Variants in PPP4R4 observed in about 807,000 individuals in gnomAD.
PPP4R4 encodes the protein protein phosphatase 4 regulatory subunit 4.
PPP4R4 carries 70 observed loss-of-function variants against 121.8 expected under a neutral mutation model. The ratio of observed to expected loss-of-function variants is 0.57; its 90% CI spans 0.47 to 0.70. PPP4R4 has a LOEUF of 0.70. Among genes scored for constraint, PPP4R4 ranks in the 30% least tolerant of loss-of-function variants. PPP4R4 has a pLI of 0.00. For synonymous variants in PPP4R4, 348 were observed against 355.7 expected, an observed-to-expected ratio of 0.98 and a Z score of 0.24; for missense variants, 875 against 1,033.6, an observed-to-expected ratio of 0.85 and a Z score of 2.10.
intron 18 of PPP4R4, 89 bp downstream of exon 18, chr14:94,258,913 A>G (rs1893622033): frequency 8.0e-7 from 1 of 1,244,812 alleles, no homozygotes; most frequent in Non-Finnish European, 1.2e-6. Context: ...TACAAAAGAA[A>G]GAGGTTTAAT....
intron 10 of PPP4R4, 138 bp from the exon 11 acceptor site, chr14:94,242,147 TTTGG>T: frequency 8.2e-7 from 1 of 1,218,744 alleles, no homozygotes. Flanking sequence ...TAGACACATA[TTTGG>T]ATCTTCCAAA....
chr14:94,211,951 T>A (rs1890766041), intron 3 of PPP4R4, among the ~76,000 whole-genome samples: 1 of 152,216 alleles, frequency 6.6e-6, no homozygotes, highest in Non-Finnish European at 1.5e-5. Flanking sequence ...AGGAAAATAA[T>A]TTGTGTACTT....
rs1315508853 is a variant in PPP4R4, at chr14:94,244,643, G to T, written c.1275G>T (p.Lys425Asn). 6.7e-7 allele frequency: 1 copy of T among 1,497,750 alleles called. No homozygotes were observed. Among genetic ancestry groups the T allele is most frequent in the South Asian group, 1.2e-5 (1 of 83,874 alleles). The allele number at this position is 1,497,750 out of a possible 1,614,324, so 92.8% of individuals were successfully genotyped here. ...TIAICFYEVS[K>N]LLNSGVYLIH... ...TTATTGCTATATTTTAGGTATCTAAGCTTCTGAATTCTGGAGTATATTTAA... is the reference window on the plus strand; with the variant it reads ...TTATTGCTATATTTTAGGTATCTAATCTTCTGAATTCTGGAGTATATTTAA... The change falls in exon 12 of 25, where the codon AAG (lysine) becomes AAT (asparagine). Residue 425 changes from lysine (K) to asparagine (N), a missense_variant. Physicochemically the swap from Lys to Asn is moderately conservative, Grantham distance 94. Coordinates refer to ENST00000304338, the MANE Select transcript of PPP4R4 (RefSeq NM_058237.2).
chr14:94,276,303 A>G (rs6575405), intron 24 of PPP4R4, among the ~76,000 whole-genome samples: 35,945 of 152,202 alleles, frequency 0.24, 5,102 homozygotes, highest in East Asian at 0.59. Context: ...TTTCTTAAAT[A>G]CATTCTTTTG....
At chr14:94,253,940 A>G (rs1222534575) in intron 16 of PPP4R4, among the ~76,000 whole-genome samples, 1 of 152,200 alleles carries the variant, frequency 6.6e-6, no homozygotes, top group Non-Finnish European at 1.5e-5. Context: ...TGGTAGGATC[A>G]TGTTGGTTAG....
chr14:94,230,822 G>C, intron 4 of PPP4R4, 88 bp downstream of exon 4: 3 of 1,356,922 alleles, frequency 2.2e-6, no homozygotes, highest in Non-Finnish European at 3.0e-6. Flanking sequence ...TTAGCCTGAT[G>C]AGGATAACTG....
chr14:94,211,602 A>G (rs1890743905), intron 3 of PPP4R4, among the ~76,000 whole-genome samples: 1 of 152,144 alleles, frequency 6.6e-6, no homozygotes, highest in African/African-American at 2.4e-5. Context: ...GTTGGTTTTC[A>G]TTCTTAGGAC....
intron 23 of PPP4R4, among the ~76,000 whole-genome samples, chr14:94,273,110 C>G (rs1894430874): frequency 6.6e-6 from 1 of 152,150 alleles, no homozygotes; most frequent in Non-Finnish European, 1.5e-5. Context: ...ACATTCTTAC[C>G]ATATGATCTA....
At chr14:94,198,147 C>T (rs530578439) in intron 2 of PPP4R4, among the ~76,000 whole-genome samples, 6 of 152,190 alleles carry the variant, frequency 3.9e-5, no homozygotes, top group African/African-American at 1.4e-4. Flanking sequence ...ATTTTATATT[C>T]CATCAGTAGT....
chr14:94,240,907 T>C lies in PPP4R4; in HGVS notation c.976+112T>C, dbSNP rs111270587. Reference sequence around the variant, plus strand: ...AATTGTAAAGCCTAACTCTTAAGTATATAAAAATCTTATGAGATCTTAGAA... The same window carrying C: ...AATTGTAAAGCCTAACTCTTAAGTACATAAAAATCTTATGAGATCTTAGAA... On this transcript the variant is annotated intron_variant, in intron 9 of 24. Transcript: ENST00000304338. 2.1e-3 allele frequency: 2,649 copies of C among 1,261,366 alleles called. 54 individuals are homozygous for C. In the African/African-American group the frequency reaches 0.037, roughly 17 times the overall value. The allele number at this position is 1,261,366 out of a possible 1,614,324, so 78.1% of individuals were successfully genotyped here.
At chr14:94,242,537 G>T in intron 11 of PPP4R4, 129 bp downstream of exon 11, 1 of 953,724 alleles carries the variant, frequency 1.0e-6, no homozygotes, top group Non-Finnish European at 1.5e-6. Flanking sequence ...CTTAAATCTT[G>T]TTTAAAAATT....
intron 14 of PPP4R4, among the ~76,000 whole-genome samples, chr14:94,248,952 G>A (rs1893037581): frequency 1.3e-5 from 2 of 151,996 alleles, no homozygotes; most frequent in East Asian, 1.9e-4. Context: ...AAATGTTATT[G>A]CAGTTATTAT....
intron 5 of PPP4R4, 24 bp downstream of exon 5, chr14:94,231,339 A>G (rs1409227159): frequency 2.6e-6 from 4 of 1,558,854 alleles, no homozygotes; most frequent in African/African-American, 2.7e-5. Context: ...GGGGGCAAAT[A>G]CTAATAAGTA....
intron 2 of PPP4R4, among the ~76,000 whole-genome samples, chr14:94,176,654 A>G (rs1888696407): frequency 6.6e-6 from 1 of 152,232 alleles, no homozygotes; most frequent in Non-Finnish European, 1.5e-5. Flanking sequence ...ATTTCAAACC[A>G]TCTCACAGGC....
intron 2 of PPP4R4, among the ~76,000 whole-genome samples, chr14:94,176,962 C>T (rs1888712260): frequency 6.6e-6 from 1 of 151,618 alleles, no homozygotes; most frequent in African/African-American, 2.4e-5. Flanking sequence ...GGATATTTGT[C>T]ACCCTTGTTT....
At chr14:94,270,690 C>T (rs566417733) in intron 23 of PPP4R4, among the ~76,000 whole-genome samples, 26 of 152,120 alleles carry the variant, frequency 1.7e-4, no homozygotes, top group African/African-American at 4.8e-4. Context: ...GAGGCAGAGA[C>T]GGGTGGATCA....
At chr14:94,223,993 T>C (rs1891555830) in intron 3 of PPP4R4, among the ~76,000 whole-genome samples, 1 of 152,190 alleles carries the variant, frequency 6.6e-6, no homozygotes, top group African/African-American at 2.4e-5. Flanking sequence ...TTGTGATATA[T>C]GTCCTTAATT....
chr14:94,275,232 G>A (rs948850627), intron 23 of PPP4R4, 142 bp from the exon 24 acceptor site: 1 of 885,894 alleles, frequency 1.1e-6, no homozygotes, highest in South Asian at 1.6e-5. Context: ...TTAACTTTTT[G>A]CAGTTTGTTG....
At chr14:94,261,220 C>T (rs540736997) in intron 19 of PPP4R4, among the ~76,000 whole-genome samples, 18 of 152,226 alleles carry the variant, frequency 1.2e-4, no homozygotes, top group East Asian at 1.9e-4. Flanking sequence ...TGGTAGGATA[C>T]GTTTTCCATC....
Sources: gnomAD v4.1 joint callset for allele counts (sites outside exome capture counted in the v4.1 genomes callset) on GRCh38, gnomAD v4.1.1 for gene constraint, MANE v1.5 for transcripts, NCBI Gene and HGNC (gene_info 2026-07-23, HGNC 2026-07-21) for gene names.